The following PKP4 variants were observed in gnomAD, a reference collection of about 807,000 sequenced individuals.
PKP4 encodes the protein plakophilin-4.
PKP4 carries 90 observed loss-of-function variants against 145.1 expected under a neutral mutation model. That is an observed-to-expected ratio of 0.62 (90% CI 0.52 to 0.74). The LOEUF (loss-of-function observed/expected upper bound fraction) is 0.74, where lower values mean the gene tolerates loss of function less well. PKP4 is among the 30% of genes least tolerant of loss of function. The pLI is 0.00. For missense variants in PKP4, 1,340 were observed against 1,482.7 expected (o/e 0.90, Z 1.58); for synonymous variants, 563 against 577.2 (o/e 0.98, Z 0.35).
intron 1 of PKP4, among the ~76,000 whole-genome samples, chr2:158,483,979 A>G (rs1693755463): frequency 3.9e-5 from 6 of 151,908 alleles, no homozygotes; most frequent in Middle Eastern, 3.4e-3. Context: ...GTGTGTGTAT[A>G]CATTAAAAGT....
In PKP4 at chr2:158,661,457, G is replaced by A. The variant is rs770233903; in HGVS notation, c.2211+7G>A. On this transcript the variant is annotated splice_region_variant and intron_variant, in intron 13 of 21. Coordinates refer to ENST00000389759, the MANE Select transcript of PKP4 (RefSeq NM_003628.6). ...ATCCGATTACGACAGCAAGGTCAGT[G>A]CCGGCCTGGTTGCAGGAGGGCGTGG... 1.3e-6 allele frequency: 2 copies of A among 1,584,616 alleles called. No homozygotes were observed. Among genetic ancestry groups the A allele is most frequent in the Non-Finnish European group, 1.7e-6 (2 of 1,153,950 alleles).
intron 1 of PKP4, among the ~76,000 whole-genome samples, chr2:158,489,822 G>A (rs1364485192): frequency 2.6e-5 from 4 of 152,098 alleles, no homozygotes; most frequent in South Asian, 2.1e-4. Context: ...TATGTCCAGC[G>A]AAACTCTCAC....
In PKP4 at chr2:158,625,136, A is replaced by G. The variant is rs768353571; in HGVS notation, c.862A>G (p.Ile288Val). 5 of 1,614,096 alleles carry G rather than the reference A, an allele frequency of 3.1e-6. No homozygotes were observed. Among genetic ancestry groups the G allele is most frequent in the Non-Finnish European group, 4.2e-6 (5 of 1,180,018 alleles). ...RPASPTAIRR[I>V]GSVTSRQTSN... The stretch of plus-strand genomic sequence containing the variant: ...CGCCTCCCCAACAGCTATACGGCGG[A>G]TTGGGTCAGTCACCTCCCGGCAGAC... Residue 288 changes from isoleucine to valine, a missense_variant, in exon 7 of 22, where the codon ATT (isoleucine) becomes GTT (valine). Transcript: ENST00000389759.
At chr2:158,655,961 A>G (rs1188487988) in intron 11 of PKP4, among the ~76,000 whole-genome samples, 2 of 151,886 alleles carry the variant, frequency 1.3e-5, no homozygotes, top group Non-Finnish European at 2.9e-5. Flanking sequence ...TTCTGTTTTC[A>G]CTCCCTTGCC....
At chr2:158,462,610 T>A (rs1329219628) in intron 1 of PKP4, among the ~76,000 whole-genome samples, 1 of 152,236 alleles carries the variant, frequency 6.6e-6, no homozygotes, top group Non-Finnish European at 1.5e-5. Context: ...TACCCTAGTC[T>A]GAGATTACAT....
At chr2:158,511,247 G>A (rs778390849) in intron 1 of PKP4, among the ~76,000 whole-genome samples, 2 of 152,132 alleles carry the variant, frequency 1.3e-5, no homozygotes, top group Non-Finnish European at 2.9e-5. Context: ...TTAGCTGGGC[G>A]TGGTGGCACA....
intron 7 of PKP4, among the ~76,000 whole-genome samples, chr2:158,631,236 G>A (rs566409396): frequency 5.9e-5 from 9 of 152,106 alleles, no homozygotes; most frequent in African/African-American, 1.4e-4. Flanking sequence ...CACCGCGCCC[G>A]GCAGAGAAAG....
intron 9 of PKP4, among the ~76,000 whole-genome samples, chr2:158,639,074 A>G (rs2054053987): frequency 6.6e-6 from 1 of 152,164 alleles, no homozygotes; most frequent in African/African-American, 2.4e-5. Context: ...CCTTATCTGT[A>G]TCTAATGTTA....
At position 158,641,470 on chromosome 2, in the gene PKP4, A is replaced by T. The variant is rs1424879911; in HGVS notation, c.1695+711A>T. Among the ~76,000 whole-genome samples, 16 of 150,844 alleles carry T rather than the reference A, an allele frequency of 1.1e-4. No individual in the cohort carries two copies. The East Asian group carries it at 2.9e-3, about 27-fold the overall frequency. On this transcript the variant is annotated intron_variant, in intron 10 of 21. Transcript: ENST00000389759. ...ATTATAACCATCACTAAGGCTGAAC[A>T]TACATGAATATTTTATTTCAGGGTT...
intron 2 of PKP4, among the ~76,000 whole-genome samples, chr2:158,564,679 T>G (rs895066750): frequency 1.3e-5 from 2 of 152,208 alleles, no homozygotes; most frequent in African/African-American, 4.8e-5. Context: ...TTTAAATGTT[T>G]GCCAGTATGA....
intron 1 of PKP4, among the ~76,000 whole-genome samples, chr2:158,509,281 A>G (rs1240084004): frequency 6.6e-6 from 1 of 152,224 alleles, no homozygotes; most frequent in African/African-American, 2.4e-5. Flanking sequence ...AAATTTTAAG[A>G]GTAACAATAT....
chr2:158,629,895 A>C (rs2053188208), intron 7 of PKP4, among the ~76,000 whole-genome samples: 1 of 152,186 alleles, frequency 6.6e-6, no homozygotes, highest in South Asian at 2.1e-4. Context: ...CACCATGCCC[A>C]GCTAATTTTT....
At chr2:158,560,900 C>T (rs1206085565) in intron 2 of PKP4, among the ~76,000 whole-genome samples, 1 of 152,170 alleles carries the variant, frequency 6.6e-6, no homozygotes, top group Non-Finnish European at 1.5e-5. Flanking sequence ...ATACCAAAAT[C>T]CTATAATCCT....
chr2:158,496,513 C>T lies in PKP4; in HGVS notation c.-5-36667C>T, dbSNP rs1224759778. Among the ~76,000 whole-genome samples, 3 of 152,278 alleles carry T rather than the reference C, an allele frequency of 2.0e-5. No individual in the cohort carries two copies. The East Asian group carries it at 5.8e-4, about 29-fold the overall frequency. On this transcript the variant is annotated intron_variant, in intron 1 of 21. Coordinates refer to ENST00000389759, the MANE Select transcript of PKP4 (RefSeq NM_003628.6). ...AAACATTCTTTTTCCTCATGGTCCA[C>T]ATCCATCTGTCCTCTGGTCTGAAAT...
At chr2:158,674,601 T>G (rs1327824373) in intron 19 of PKP4, among the ~76,000 whole-genome samples, 1 of 152,192 alleles carries the variant, frequency 6.6e-6, no homozygotes, top group Non-Finnish European at 1.5e-5. Context: ...TTTTGATTTT[T>G]AAGTTGGGAA....
intron 11 of PKP4, among the ~76,000 whole-genome samples, chr2:158,646,927 C>CA (rs1374821214): frequency 1.3e-5 from 2 of 152,212 alleles, no homozygotes; most frequent in Admixed American, 6.5e-5. Context: ...CTTGAAAAGG[C>CA]AAAAAATACA....
chr2:158,562,513 T>C (rs1407608298), intron 2 of PKP4, among the ~76,000 whole-genome samples: 4 of 152,194 alleles, frequency 2.6e-5, no homozygotes. Flanking sequence ...GAGTTGTTTT[T>C]TCAGTTTGGG....
At chr2:158,551,346 G>A (rs994101704) in intron 2 of PKP4, among the ~76,000 whole-genome samples, 6 of 152,164 alleles carry the variant, frequency 3.9e-5, no homozygotes, top group Admixed American at 2.6e-4. Flanking sequence ...TCCCTGTAGT[G>A]GACAGTGCAA....
At chr2:158,595,713 G>C (rs2049668280) in intron 3 of PKP4, among the ~76,000 whole-genome samples, 1 of 152,124 alleles carries the variant, frequency 6.6e-6, no homozygotes, top group Non-Finnish European at 1.5e-5. Context: ...AAATTTAAGT[G>C]TTTGACAGAA....
Sources: allele counts gnomAD v4.1 joint callset (sites outside exome capture counted in the v4.1 genomes callset), GRCh38; gene constraint gnomAD v4.1.1; transcripts MANE v1.5; gene names NCBI Gene and HGNC (gene_info 2026-07-23, HGNC 2026-07-21).